The following TTN variants were observed in gnomAD, a reference collection of about 807,000 sequenced individuals.
TTN encodes the protein connectin.
In TTN, 1,525 loss-of-function variants were observed where a neutral mutation model predicts 3,223.0. That is an observed-to-expected ratio of 0.47 (90% CI 0.45 to 0.49). TTN has a LOEUF of 0.49. TTN is among the 20% of genes least tolerant of loss of function. The pLI is 0.00. For missense variants in TTN, 40,786 were observed against 43,424.0 expected (o/e 0.94, Z 5.40); for synonymous variants, 14,094 against 15,161.0 (o/e 0.93, Z 5.17).
At chr2:178,668,622 C>T (rs1364960454) in intron 159 of TTN, among the ~76,000 whole-genome samples, 1 of 151,556 alleles carries the variant, frequency 6.6e-6, no homozygotes, top group Non-Finnish European at 1.5e-5. Context: ...ATCCCAGCCA[C>T]TCGGGAGGCT....
At position 178,756,384 on chromosome 2, in the gene TTN, C is replaced by T; in HGVS notation, c.11092G>A (p.Ala3698Thr). The change falls in exon 46 of 363, where the codon GCA (alanine) becomes ACA (threonine). Residue 3698 changes from alanine (A) to threonine (T), a missense_variant. Transcript: ENST00000589042. ...FIDVTWTHEG[A>T]KIEESERLKQ... ...AGTCTCTCGGATTCCTCTATCTTTG[C>T]ACCTTCGTGAGTCCAGGTTACATCA... 1 of 1,613,806 alleles carries T rather than the reference C, an allele frequency of 6.2e-7. No homozygotes were observed. The highest frequency in any genetic ancestry group is 1.1e-5 in the South Asian group (1 of 91,078).
rs555000795 is a variant in TTN at position 178,754,748 on chromosome 2, CTAA to C, written c.11254+1471_11254+1473del. Reference sequence around the variant, plus strand: ...CTCTCTGGCTGGTGGAATTTTCTATCTAATTTACATAACTAGACCTCAGTTCTT... The same window carrying C: ...CTCTCTGGCTGGTGGAATTTTCTATCTTTACATAACTAGACCTCAGTTCTT... On this transcript the variant is annotated intron_variant, in intron 46 of 362. Coordinates refer to ENST00000589042, the MANE Select transcript of TTN (RefSeq NM_001267550.2). 4.6e-3 allele frequency among the ~76,000 whole-genome samples: 694 copies of C among 152,270 alleles called. 2 individuals are homozygous for C. Among genetic ancestry groups the C allele is most frequent in the Non-Finnish European group, 7.2e-3 (491 of 68,030 alleles).
intron 13 of TTN, among the ~76,000 whole-genome samples, chr2:178,788,108 G>A (rs992150994): frequency 1.3e-5 from 2 of 152,050 alleles, no homozygotes; most frequent in East Asian, 1.9e-4. Context: ...CACAATTCAC[G>A]ACGGATGAAA....
chr2:178,624,390 A>C (rs2058725621), intron 242 of TTN, 75 bp downstream of exon 242: 3 of 1,590,780 alleles, frequency 1.9e-6, no homozygotes, highest in Middle Eastern at 2.2e-4. Context: ...GGCATGCAAA[A>C]AGTGTTGTGT....
At position 178,651,894 on chromosome 2, in the gene TTN, C is replaced by T. The variant is rs768499213; in HGVS notation, c.39369G>A (p.Ala13123=). The stretch of plus-strand genomic sequence containing the variant: ...TTTCTTGCCATGTACCTTGTGGAGG[C>T]GCCGCTGGCTCTGGCTCTTCCACAA... ...AEVVEEPEPA[A]PPQVTVPPKK... is the part of the protein sequence containing the mutation. Residue 13123 remains alanine, a synonymous_variant, in exon 205 of 363, where the codon GCG becomes GCA. Coordinates refer to ENST00000589042, the MANE Select transcript of TTN (RefSeq NM_001267550.2). 19 of 1,607,678 alleles carry T rather than the reference C, an allele frequency of 1.2e-5. No individual in the cohort carries two copies. The highest frequency in any genetic ancestry group is 5.6e-5 in the South Asian group (5 of 89,882).
At position 178,740,455 on chromosome 2, in the gene TTN, C is replaced by A. The variant is rs1312886307; in HGVS notation, c.12778G>T (p.Ala4260Ser). 1 of 1,613,584 alleles carries A rather than the reference C, an allele frequency of 6.2e-7. No homozygotes were observed. The highest frequency in any genetic ancestry group is 1.1e-5 in the South Asian group (1 of 91,054). The stretch of plus-strand genomic sequence containing the variant: ...GCTAAGCTCTGACTCAAGATGAGCG[C>A]ACTTTGTGCCTCTTGCTTTTGAAGA... ...VTLQKQEAQSALILSQSLAEG... is the reference protein window; with the variant it reads ...VTLQKQEAQSSLILSQSLAEG... Residue 4260 changes from alanine to serine, a missense_variant, in exon 48 of 363, where the codon GCG becomes TCG. By Grantham distance (99) the Ala-to-Ser change is moderately conservative. Coordinates refer to ENST00000589042, the MANE Select transcript of TTN (RefSeq NM_001267550.2).
chr2:178,682,692 C>A lies in TTN; in HGVS notation c.33094+5G>T. The stretch of plus-strand genomic sequence containing the variant: ...GTGGTTTTGAGTTTGCAGTTTTGCT[C>A]ATACCTGTGATGTATTCTTCATGCT... On this transcript the variant is annotated splice_donor_5th_base_variant and intron_variant, in intron 135 of 362. Coordinates refer to ENST00000589042, the MANE Select transcript of TTN (RefSeq NM_001267550.2). The A allele has an allele frequency of 6.2e-7, 1 of 1,606,126 alleles. No homozygotes were observed. The highest frequency in any genetic ancestry group is 1.1e-5 in the South Asian group (1 of 88,514).
In TTN at chr2:178,739,563, G is replaced by C; in HGVS notation, c.13670C>G (p.Ala4557Gly). The change falls in exon 48 of 363, where the codon GCT (alanine) becomes GGT (glycine). Residue 4557 changes from alanine to glycine, a missense_variant. By Grantham distance (60) the Ala-to-Gly change is moderately conservative (BLOSUM62 0). Coordinates refer to ENST00000589042, the MANE Select transcript of TTN (RefSeq NM_001267550.2). ...LDATPVTKGVASAVVSDEKQD... is the reference protein window; with the variant it reads ...LDATPVTKGVGSAVVSDEKQD... ...TTTTTCGTCAGAGACAACAGCTGAA[G>C]CAACCCCTTTAGTGACAGGTGTGGC... The C allele has an allele frequency of 6.2e-7, 1 of 1,613,820 alleles. No homozygotes were observed.
At chr2:178,583,532 T>G in intron 312 of TTN, 75 bp downstream of exon 312, 1 of 1,389,466 alleles carries the variant, frequency 7.2e-7, no homozygotes, top group Admixed American at 3.0e-5. Context: ...AGGTGTATAT[T>G]TAGTTTTTTA....
chr2:178,682,904 C>A lies in TTN; in HGVS notation c.32888-1G>T. On this transcript the variant is annotated splice_acceptor_variant, in intron 134 of 362. Coordinates refer to ENST00000589042, the MANE Select transcript of TTN (RefSeq NM_001267550.2). LOFTEE classifies it high-confidence loss of function. ...TCTTTCTCTTCCATTATAGTTACTT[C>A]TGAAACAATATTAACAACAGGCAGC... The A allele has an allele frequency of 6.3e-6, 10 of 1,594,750 alleles. No homozygotes were observed. Among genetic ancestry groups the A allele is most frequent in the Non-Finnish European group, 8.5e-6 (10 of 1,171,766 alleles).
At position 178,613,148 on chromosome 2, in the gene TTN, A is replaced by G; in HGVS notation, c.49648+13T>C. On this transcript the variant is annotated intron_variant, in intron 264 of 362. Coordinates refer to ENST00000589042, the MANE Select transcript of TTN (RefSeq NM_001267550.2). ...GAACTTCGAAATAACCACAAAAATT[A>G]TATAAATAATACCTATGGGATCCTT... The G allele has an allele frequency of 6.2e-7, 1 of 1,607,166 alleles. No individual in the cohort carries two copies. Among genetic ancestry groups the G allele is most frequent in the Non-Finnish European group, 8.5e-7 (1 of 1,177,546 alleles).
chr2:178,729,378 T>G lies in TTN; in HGVS notation c.18778A>C (p.Lys6260Gln), dbSNP rs375652574. The change falls in exon 64 of 363, where the codon AAG becomes CAG. Residue 6260 changes from lysine (K) to glutamine (Q), a missense_variant. Physicochemically the swap from Lys to Gln is moderately conservative, Grantham distance 53. Coordinates refer to ENST00000589042, the MANE Select transcript of TTN (RefSeq NM_001267550.2). ...TCCCCAGTGTCTGAAGGGTCACACT[T>G]GGTTATATGGAGGTTAAACACAGAC... Reference protein sequence around the residue: ...RVSVFNLHITKCDPSDTGEYQ... With the variant: ...RVSVFNLHITQCDPSDTGEYQ... 92 of 1,613,562 alleles carry G rather than the reference T, an allele frequency of 5.7e-5. No individual in the cohort carries two copies. Among genetic ancestry groups the G allele is most frequent in the Non-Finnish European group, 7.7e-5 (91 of 1,179,640 alleles).
rs727504699 is a variant in TTN at position 178,618,865 on chromosome 2, G to A, written c.46697-12C>T. 3.7e-5 allele frequency: 59 copies of A among 1,606,426 alleles called. No individual in the cohort carries two copies. In the East Asian group the frequency reaches 1.2e-3, roughly 33 times the overall value. ...GATTTTTGGTGCAGCTAGTGAGAAA[G>A]ATAACATGTGAACGCTTTCGACTAT... On this transcript the variant is annotated splice_polypyrimidine_tract_variant and intron_variant, in intron 250 of 362. Coordinates refer to ENST00000589042, the MANE Select transcript of TTN (RefSeq NM_001267550.2).
At position 178,532,095 on chromosome 2, in the gene TTN, C is replaced by T. The variant is rs187311008; in HGVS notation, c.104520G>A (p.Arg34840=). 6.2e-7 allele frequency: 1 copy of T among 1,613,908 alleles called. No homozygotes were observed. Among genetic ancestry groups the T allele is most frequent in the South Asian group, 1.1e-5 (1 of 91,084 alleles). The change falls in exon 358 of 363, where the codon CGG becomes CGA. Residue 34840 remains arginine, a synonymous_variant. Coordinates refer to ENST00000589042, the MANE Select transcript of TTN (RefSeq NM_001267550.2). ...CAATATAAGTTGGAGACAGGGAGCG[C>T]CGTCGTCTCAGTAGTCTAGACGCAG... ...SSSASRLLRR[R]RSLSPTYIEL...
At position 178,750,677 on chromosome 2, in the gene TTN, A is replaced by G. The variant is rs1182571772; in HGVS notation, c.11311+2447T>C. On this transcript the variant is annotated intron_variant, in intron 47 of 362. Coordinates refer to ENST00000589042, the MANE Select transcript of TTN (RefSeq NM_001267550.2). ...AATTCGTGTAGAAGCAGAGAGTTGT[A>G]ATTCTCTCAAATCATCCTTTTTTAT... The G allele has an allele frequency of 3.7e-6, 6 of 1,612,612 alleles. No homozygotes were observed. In the South Asian group the frequency reaches 6.6e-5, roughly 18 times the overall value.
At chr2:178,622,597 TCC>T in intron 243 of TTN, 71 bp downstream of exon 243, 1 of 1,276,914 alleles carries the variant, frequency 7.8e-7, no homozygotes, top group Non-Finnish European at 1.1e-6. Context: ...CTTTTTTTTT[TCC>T]ATTTTGGCTA....
intron 9 of TTN, among the ~76,000 whole-genome samples, chr2:178,792,856 G>A (rs2093582272): frequency 6.6e-6 from 1 of 152,306 alleles, no homozygotes; most frequent in East Asian, 1.9e-4. Context: ...CTGGCCAAGA[G>A]CTCTACTAAC....
At position 178,542,266 on chromosome 2, in the gene TTN, A is replaced by T. The variant is rs55660660; in HGVS notation, c.97490T>A (p.Ile32497Asn). The T allele has an allele frequency of 1.2e-6, 2 of 1,604,924 alleles. No individual in the cohort carries two copies. Among genetic ancestry groups the T allele is most frequent in the Admixed American group, 1.7e-5 (1 of 59,338 alleles). ...GGTGGAAGGGCCTGTGGACTTACGG[A>T]TGCTGCTGCGACACTCTATGACCTC... ...QSEVIECRSS[I>N]RIPGPPETLQ... is the part of the protein sequence containing the mutation. The change falls in exon 349 of 363, where the codon ATC becomes AAC. Residue 32497 changes from isoleucine to asparagine, a missense_variant and splice_region_variant. By Grantham distance (149) the Ile-to-Asn change is moderately radical (BLOSUM62 -3). Coordinates refer to ENST00000589042, the MANE Select transcript of TTN (RefSeq NM_001267550.2).
In TTN at chr2:178,580,381, A is replaced by G. The variant is rs2154176318; in HGVS notation, c.66998T>C (p.Ile22333Thr). The G allele has an allele frequency of 6.2e-7, 1 of 1,613,268 alleles. No homozygotes were observed. The highest frequency in any genetic ancestry group is 1.7e-5 in the Admixed American group (1 of 59,996). ...NVNKYDAGKY[I>T]LTLENSCGKK... ...ACCACAGCTGTTCTCCAGGGTTAAG[A>G]TATATTTTCCTGCATCATATTTGTT... is the stretch of plus-strand genomic sequence containing the variant. Residue 22333 changes from isoleucine (I) to threonine (T), a missense_variant, in exon 317 of 363, where the codon ATC (isoleucine) becomes ACC (threonine). By Grantham distance (89) the Ile-to-Thr change is moderately conservative. Transcript: ENST00000589042.
Sources: allele counts gnomAD v4.1 joint callset (sites outside exome capture counted in the v4.1 genomes callset), GRCh38; gene constraint gnomAD v4.1.1; transcripts MANE v1.5; gene names NCBI Gene and HGNC (gene_info 2026-07-23, HGNC 2026-07-21).